MDGA2: variants seen among roughly 807,000 people sequenced by gnomAD.
MDGA2 encodes the protein MAM domain-containing glycosylphosphatidylinositol anchor protein 2.
MDGA2 carries 40 observed loss-of-function variants against 117.8 expected under a neutral mutation model. The ratio of observed to expected loss-of-function variants is 0.34; its 90% CI spans 0.26 to 0.44. The LOEUF (loss-of-function observed/expected upper bound fraction) is 0.44, where lower values mean the gene tolerates loss of function less well. Among genes scored for constraint, MDGA2 ranks in the 20% least tolerant of loss-of-function variants. The probability of loss-of-function intolerance (pLI) is 1.00; values close to 1 mark genes in which losing one functional copy is unlikely to be tolerated. For synonymous variants in MDGA2, 452 were observed against 439.0 expected, an observed-to-expected ratio of 1.03 and a Z score of -0.37; for missense variants, 1,123 against 1,250.6, an observed-to-expected ratio of 0.90 and a Z score of 1.54.
chr14:47,259,123 T>G (rs751296789), intron 2 of MDGA2, among the ~76,000 whole-genome samples: 12 of 144,120 alleles, frequency 8.3e-5, no homozygotes, highest in Non-Finnish European at 1.5e-4. Flanking sequence ...GGAGCGTTTT[T>G]GTTGTTGTTT....
chr14:46,970,469 A>T (rs1278459823), intron 8 of MDGA2, among the ~76,000 whole-genome samples: 1 of 152,126 alleles, frequency 6.6e-6, no homozygotes, highest in Non-Finnish European at 1.5e-5. Context: ...ATCTTCAATA[A>T]ATGGTGCTGG....
intron 1 of MDGA2, among the ~76,000 whole-genome samples, chr14:47,314,009 T>A (rs572470921): frequency 2.6e-5 from 4 of 152,276 alleles, no homozygotes; most frequent in African/African-American, 9.6e-5. Flanking sequence ...AATATTACAT[T>A]GGCATGGAAA....
At chr14:47,271,716 A>T (rs1888149728) in intron 2 of MDGA2, among the ~76,000 whole-genome samples, 1 of 152,196 alleles carries the variant, frequency 6.6e-6, no homozygotes, top group African/African-American at 2.4e-5. Flanking sequence ...GTTAGAAAAT[A>T]GCTAAAAAAC....
chr14:47,244,380 T>C (rs9805916), intron 2 of MDGA2, among the ~76,000 whole-genome samples: 26,053 of 151,682 alleles, frequency 0.17, 2,803 homozygotes, highest in South Asian at 0.27. Flanking sequence ...TATTACACTC[T>C]TGCCATTTTT....
intron 9 of MDGA2, among the ~76,000 whole-genome samples, chr14:46,952,492 T>C (rs563474884): frequency 6.6e-6 from 1 of 152,128 alleles, no homozygotes; most frequent in East Asian, 1.9e-4. Flanking sequence ...TTCTAGACTG[T>C]TTAAATAATG....
At chr14:47,587,589 C>A (rs1039139371) in intron 1 of MDGA2, among the ~76,000 whole-genome samples, 18 of 151,790 alleles carry the variant, frequency 1.2e-4, no homozygotes, top group South Asian at 8.3e-4. Context: ...ATAAAGAAGT[C>A]TTTCATAACA....
rs542023932 is a variant in MDGA2 at position 47,304,446 on chromosome 14, C to G, written c.281-2896G>C. 7.7e-4 allele frequency among the ~76,000 whole-genome samples: 117 copies of G among 152,086 alleles called. 2 individuals carry two copies. Among genetic ancestry groups the G allele is most frequent in the Middle Eastern group, 3.4e-3 (1 of 294 alleles). On this transcript the variant is annotated intron_variant, in intron 1 of 16. Transcript: ENST00000399232. The stretch of plus-strand genomic sequence containing the variant: ...AAACTAGACCCAGACCTAGACTAGG[C>G]TAGGGGTATAAAAAACTATTGAGAA...
At chr14:47,668,864 C>T (rs989808571) in intron 1 of MDGA2, among the ~76,000 whole-genome samples, 1 of 152,110 alleles carries the variant, frequency 6.6e-6, no homozygotes, top group Non-Finnish European at 1.5e-5. Context: ...AGCTCAGTTC[C>T]CAGAGTAGGT....
chr14:46,877,558 T>A, intron 11 of MDGA2, 49 bp from the exon 12 acceptor site: 1 of 1,318,602 alleles, frequency 7.6e-7, no homozygotes, highest in Non-Finnish European at 1.1e-6. Context: ...AATGTTAGCA[T>A]GGCTTGAATG....
chr14:46,970,360 T>C (rs56838567), intron 8 of MDGA2, among the ~76,000 whole-genome samples: 18,070 of 151,978 alleles, frequency 0.12, 2,055 homozygotes, highest in African/African-American at 0.27. Flanking sequence ...CAGACTTAGA[T>C]CAATGGAATG....
intron 8 of MDGA2, among the ~76,000 whole-genome samples, chr14:46,973,234 T>C (rs1886335847): frequency 6.6e-6 from 1 of 152,108 alleles, no homozygotes; most frequent in African/African-American, 2.4e-5. Context: ...TACATATTCT[T>C]ACCATGTGAT....
chr14:47,375,611 T>C (rs1891460279), intron 1 of MDGA2, among the ~76,000 whole-genome samples: 1 of 152,082 alleles, frequency 6.6e-6, no homozygotes, highest in Non-Finnish European at 1.5e-5. Context: ...CCTTTTCCAT[T>C]AAACCATCTA....
intron 3 of MDGA2, among the ~76,000 whole-genome samples, chr14:47,211,967 G>T (rs1442334383): frequency 6.6e-6 from 1 of 152,074 alleles, no homozygotes; most frequent in Non-Finnish European, 1.5e-5. Flanking sequence ...CCCATTGAAG[G>T]TATAAATTAT....
intron 6 of MDGA2, among the ~76,000 whole-genome samples, chr14:47,062,798 C>T (rs769385579): frequency 8.6e-5 from 13 of 152,010 alleles, no homozygotes; most frequent in Non-Finnish European, 1.2e-4. Context: ...TAGAATCATG[C>T]AGAATGAACT....
At chr14:47,068,273 G>T (rs531190062) in intron 6 of MDGA2, among the ~76,000 whole-genome samples, 3 of 151,800 alleles carry the variant, frequency 2.0e-5, no homozygotes, top group Non-Finnish European at 4.4e-5. Context: ...AAGAAAGGAC[G>T]TTTTAGGCAG....
At chr14:47,312,701 T>TG (rs1889679590) in intron 1 of MDGA2, among the ~76,000 whole-genome samples, 2 of 144,882 alleles carry the variant, frequency 1.4e-5, no homozygotes, top group East Asian at 2.1e-4. Context: ...TTGTTTTGTT[T>TG]TTTTTTTTTG....
Position 47,169,011 on chromosome 14 carries a change from G to A in MDGA2, c.596-24737C>T, listed in dbSNP as rs1421883837. Among the ~76,000 whole-genome samples the A allele has an allele frequency of 6.6e-5, 10 of 151,934 alleles. No homozygotes were observed. The East Asian group carries it at 1.9e-3, about 29-fold the overall frequency. ...TTGATAAAATTAAGTGGCTAATTCA[G>A]ATATATAGATAGATAGATAGAAATT... On this transcript the variant is annotated intron_variant, in intron 3 of 16. Coordinates refer to ENST00000399232, the MANE Select transcript of MDGA2 (RefSeq NM_001113498.3).
At chr14:47,038,159 C>T (rs1888925411) in intron 7 of MDGA2, among the ~76,000 whole-genome samples, 1 of 151,980 alleles carries the variant, frequency 6.6e-6, no homozygotes, top group Non-Finnish European at 1.5e-5. Flanking sequence ...CTCAAACTCC[C>T]GATCTTAGGT....
chr14:47,362,268 C>T (rs1383531717), intron 1 of MDGA2, among the ~76,000 whole-genome samples: 2 of 152,096 alleles, frequency 1.3e-5, no homozygotes, highest in African/African-American at 4.8e-5. Context: ...CTCCTCTCCA[C>T]ATACATATTA....
Sources: gnomAD v4.1 joint callset for allele counts (sites outside exome capture counted in the v4.1 genomes callset) on GRCh38, gnomAD v4.1.1 for gene constraint, MANE v1.5 for transcripts, NCBI Gene and HGNC (gene_info 2026-07-23, HGNC 2026-07-21) for gene names.